The following HOMER2 variants were observed in gnomAD, a reference collection of about 807,000 sequenced individuals.
HOMER2 encodes homer protein homolog 2.
In HOMER2, 27 loss-of-function variants were observed where a neutral mutation model predicts 47.0. The observed-to-expected ratio is 0.57, with a 90% CI of 0.42 to 0.79. The LOEUF is 0.79. Among genes scored for constraint, HOMER2 ranks in the 30% least tolerant of loss-of-function variants. The pLI, the probability that HOMER2 is intolerant of heterozygous loss-of-function variation, is 0.00. For synonymous variants in HOMER2, 161 were observed against 163.8 expected, an observed-to-expected ratio of 0.98 and a Z score of 0.13; for missense variants, 443 against 435.0, an observed-to-expected ratio of 1.02 and a Z score of -0.16.
At chr15:82,859,844 C>T (rs1209422989) in intron 4 of HOMER2, among the ~76,000 whole-genome samples, 1 of 151,718 alleles carries the variant, frequency 6.6e-6, no homozygotes, top group Non-Finnish European at 1.5e-5. Context: ...GTGTATAAAT[C>T]CAAGTTTCAA....
chr15:82,935,084 G>A (rs1339622186), intron 1 of HOMER2, among the ~76,000 whole-genome samples: 1 of 151,776 alleles, frequency 6.6e-6, no homozygotes, highest in African/African-American at 2.4e-5. Flanking sequence ...TCTGCCCCCC[G>A]CCTTCAACTG....
intron 1 of HOMER2, among the ~76,000 whole-genome samples, chr15:82,894,210 C>T (rs896576089): frequency 2.0e-5 from 3 of 152,148 alleles, no homozygotes; most frequent in Non-Finnish European, 4.4e-5. Flanking sequence ...TAGATTTTGA[C>T]AATACGCATT....
At chr15:82,940,922 C>T (rs1047735593) in intron 1 of HOMER2, among the ~76,000 whole-genome samples, 1 of 152,074 alleles carries the variant, frequency 6.6e-6, no homozygotes, top group African/African-American at 2.4e-5. Context: ...AACTCTCACC[C>T]CCAGTGAGAA....
chr15:82,848,859 G>A (rs1429499162), downstream of HOMER2: 1 of 152,338 alleles, frequency 6.6e-6, no homozygotes, highest in South Asian at 2.1e-4. Flanking sequence ...GCCCCAGCTT[G>A]GGTTTGACCA....
At chr15:82,975,851 A>G (rs2030182437) in intron 1 of HOMER2, among the ~76,000 whole-genome samples, 1 of 152,228 alleles carries the variant, frequency 6.6e-6, no homozygotes, top group East Asian at 1.9e-4. Flanking sequence ...AAAATAACTA[A>G]GAGTGTAATT....
intron 1 of HOMER2, among the ~76,000 whole-genome samples, chr15:82,905,329 C>T (rs1174866678): frequency 1.4e-5 from 2 of 144,616 alleles, no homozygotes; most frequent in Non-Finnish European, 3.0e-5. Flanking sequence ...TGTGGGAAAA[C>T]TGGAAAAGGT....
intron 3 of HOMER2, among the ~76,000 whole-genome samples, chr15:82,865,020 T>C (rs1250836546): frequency 6.6e-6 from 1 of 152,266 alleles, no homozygotes; most frequent in East Asian, 1.9e-4. Context: ...AACTCATTTA[T>C]TTCTGAGCAC....
chr15:82,868,539 A>ATTTT (rs1481856091), intron 3 of HOMER2, among the ~76,000 whole-genome samples: 4 of 62,430 alleles, frequency 6.4e-5, no homozygotes, highest in African/African-American at 1.8e-4. Flanking sequence ...ATATATATAT[A>ATTTT]TATTTTTTTT....
At chr15:82,903,011 T>C (rs2053172186) in intron 1 of HOMER2, among the ~76,000 whole-genome samples, 1 of 152,192 alleles carries the variant, frequency 6.6e-6, no homozygotes, top group Admixed American at 6.5e-5. Flanking sequence ...TCCACTAGTG[T>C]TTCAAAATGT....
intron 1 of HOMER2, among the ~76,000 whole-genome samples, chr15:82,931,562 G>C (rs2054011411): frequency 6.7e-6 from 1 of 150,372 alleles, no homozygotes; most frequent in Admixed American, 6.6e-5. Context: ...AAAAAGGCCA[G>C]GTGCGGTGGC....
rs1170975580 is a variant in HOMER2, at chr15:82,866,158, G to A, written c.295-1899C>T. Reference sequence around the variant, plus strand: ...GAGCCTGTACCCTGCAAAGCCACAGGAGCAGAGCTGCCCAAGACCATGGGA... The same window carrying A: ...GAGCCTGTACCCTGCAAAGCCACAGAAGCAGAGCTGCCCAAGACCATGGGA... On this transcript the variant is annotated intron_variant, in intron 3 of 8. Transcript: ENST00000450735. Among the ~76,000 whole-genome samples the A allele has an allele frequency of 4.6e-5, 7 of 152,360 alleles. No homozygotes were observed. The East Asian group carries it at 1.4e-3, about 29-fold the overall frequency.
intron 1 of HOMER2, among the ~76,000 whole-genome samples, chr15:82,945,388 G>A (rs1235294363): frequency 6.6e-6 from 1 of 152,110 alleles, no homozygotes; most frequent in African/African-American, 2.4e-5. Flanking sequence ...GATATTTTAA[G>A]TTGGAAAAAT....
chr15:82,974,222 T>C (rs1411573790), intron 1 of HOMER2, among the ~76,000 whole-genome samples: 1 of 151,334 alleles, frequency 6.6e-6, no homozygotes, highest in East Asian at 2.0e-4. Context: ...ATGACCAACA[T>C]GGAGAAAACC....
At chr15:82,965,439 A>T (rs1205598822) in intron 1 of HOMER2, among the ~76,000 whole-genome samples, 1 of 152,238 alleles carries the variant, frequency 6.6e-6, no homozygotes, top group South Asian at 2.1e-4. Flanking sequence ...ACCTAATAGA[A>T]GTAAGCAGTT....
chr15:82,968,693 C>A (rs1390398805), intron 1 of HOMER2, among the ~76,000 whole-genome samples: 1 of 152,220 alleles, frequency 6.6e-6, no homozygotes, highest in Non-Finnish European at 1.5e-5. Flanking sequence ...AGTATTCCAT[C>A]ATTTCAGACT....
rs368549239 is a variant in HOMER2, at chr15:82,864,325, C to T, written c.295-66G>A. On this transcript the variant is annotated intron_variant, in intron 3 of 8. Coordinates refer to ENST00000450735, the MANE Select transcript of HOMER2 (RefSeq NM_004839.4). ...ACTCATGGCTGGTATTCAGAACCCA[C>T]CTTTATTTATTTTGCATCCATTTTA... 3.2e-5 allele frequency: 34 copies of T among 1,071,286 alleles called. No homozygotes were observed. In the African/African-American group the frequency reaches 3.3e-4, roughly 10 times the overall value. The allele number at this position is 1,071,286 out of a possible 1,614,324, so 66.4% of individuals were successfully genotyped here. A position where few individuals can be genotyped will look rare whatever the true frequency, so the allele number is the denominator to read the frequency against.
intron 3 of HOMER2, among the ~76,000 whole-genome samples, chr15:82,870,490 T>C (rs1256440): frequency 0.51 from 77,722 of 151,950 alleles, 20,372 homozygotes; most frequent in African/African-American, 0.62. Flanking sequence ...ATGAAATCCA[T>C]GCAGATTGTC....
intron 1 of HOMER2, among the ~76,000 whole-genome samples, chr15:82,984,819 G>GAAACAAAC (rs796951788): frequency 6.6e-6 from 1 of 151,794 alleles, no homozygotes; most frequent in Non-Finnish European, 1.5e-5. Flanking sequence ...CTGTGTCAAA[G>GAAACAAAC]AAACAAACAA....
intron 1 of HOMER2, among the ~76,000 whole-genome samples, chr15:82,905,461 G>C (rs573198598): frequency 6.6e-6 from 1 of 151,858 alleles, no homozygotes; most frequent in African/African-American, 2.4e-5. Flanking sequence ...CACAGATCCA[G>C]GAAGCTCAGA....
Sources: gnomAD v4.1 joint callset for allele counts (sites outside exome capture counted in the v4.1 genomes callset) on GRCh38, gnomAD v4.1.1 for gene constraint, MANE v1.5 for transcripts, NCBI Gene and HGNC (gene_info 2026-07-23, HGNC 2026-07-21) for gene names.